CNMD: variants seen among roughly 807,000 people sequenced by gnomAD.
The protein encoded by CNMD is chondromodulin.
A neutral mutation model predicts 37.5 loss-of-function variants in CNMD; 30 were observed. The ratio of observed to expected loss-of-function variants is 0.80; its 90% CI spans 0.60 to 1.09. The LOEUF is 1.09. CNMD is among the 50% of genes least tolerant of loss of function. The probability of loss-of-function intolerance (pLI) is 0.00; values close to 1 mark genes in which losing one functional copy is unlikely to be tolerated. For synonymous variants in CNMD, 167 were observed against 148.2 expected, an observed-to-expected ratio of 1.13 and a Z score of -0.92; for missense variants, 398 against 423.9, an observed-to-expected ratio of 0.94 and a Z score of 0.54.
At chr13:52,730,005 A>T (rs1323272896) in intron 3 of CNMD, among the ~76,000 whole-genome samples, 1 of 131,420 alleles carries the variant, frequency 7.6e-6, no homozygotes, top group Non-Finnish European at 1.6e-5. Context: ...CTGGTGTGTG[A>T]CGTTCCCCTT....
At chr13:52,723,283 G>A (rs1434125105) in intron 4 of CNMD, among the ~76,000 whole-genome samples, 1 of 152,100 alleles carries the variant, frequency 6.6e-6, no homozygotes, top group African/African-American at 2.4e-5. Context: ...AGTAGAGACA[G>A]GGTTTTGCCG....
At chr13:52,731,161 G>A (rs535041098) in intron 3 of CNMD, among the ~76,000 whole-genome samples, 3 of 152,254 alleles carry the variant, frequency 2.0e-5, no homozygotes, top group African/African-American at 7.2e-5. Flanking sequence ...TGCAAGACCT[G>A]CCCCAGTCCC....
chr13:52,712,932 A>T, intron 4 of CNMD, 63 bp from the exon 5 acceptor site: 2 of 1,292,958 alleles, frequency 1.5e-6, no homozygotes, highest in Non-Finnish European at 2.1e-6. Flanking sequence ...ATTAAGAGTC[A>T]TGTGTTGCTA....
intron 2 of CNMD, among the ~76,000 whole-genome samples, chr13:52,735,525 T>C (rs1163623063): frequency 6.6e-6 from 1 of 152,164 alleles, no homozygotes; most frequent in Non-Finnish European, 1.5e-5. Flanking sequence ...CCTCCACCAC[T>C]ACCCCTGGCT....
intron 4 of CNMD, among the ~76,000 whole-genome samples, chr13:52,722,458 A>G (rs1964500256): frequency 6.6e-6 from 1 of 152,180 alleles, no homozygotes; most frequent in Non-Finnish European, 1.5e-5. Context: ...AATAAAATTA[A>G]CAACAATGAG....
chr13:52,735,262 G>A (rs1964737303), intron 2 of CNMD, among the ~76,000 whole-genome samples: 1 of 152,282 alleles, frequency 6.6e-6, no homozygotes, highest in South Asian at 2.1e-4. Flanking sequence ...TCTGTCCGGT[G>A]CTCTCTGAGC....
intron 4 of CNMD, among the ~76,000 whole-genome samples, chr13:52,714,350 G>GTAGT (rs1385997585): frequency 6.6e-6 from 1 of 152,022 alleles, no homozygotes; most frequent in Non-Finnish European, 1.5e-5. Flanking sequence ...TACTCTAAGG[G>GTAGT]TAGTTTTCTG....
chr13:52,716,413 A>T (rs1357120437), intron 4 of CNMD, among the ~76,000 whole-genome samples: 1 of 152,126 alleles, frequency 6.6e-6, no homozygotes, highest in Non-Finnish European at 1.5e-5. Flanking sequence ...TTAGTCATGA[A>T]GTCTTTGCCC....
rs1414621467 is a variant in CNMD, at chr13:52,703,861, T to C, written c.790-51A>G. 3.4e-6 allele frequency: 5 copies of C among 1,462,258 alleles called. No homozygotes were observed. In the South Asian group the frequency reaches 4.6e-5, roughly 14 times the overall value. The allele number at this position is 1,462,258 out of a possible 1,614,324, so 90.6% of individuals were successfully genotyped here. On this transcript the variant is annotated intron_variant, in intron 6 of 6. Transcript: ENST00000377962. ...TGATAACTGCATAGTGGGAAGGTCATAGCATGCATGTTATTTTTAAATAAG... is the reference window on the plus strand; with the variant it reads ...TGATAACTGCATAGTGGGAAGGTCACAGCATGCATGTTATTTTTAAATAAG...
intron 3 of CNMD, among the ~76,000 whole-genome samples, chr13:52,731,377 C>T (rs571004291): frequency 1.1e-4 from 17 of 152,180 alleles, no homozygotes; most frequent in African/African-American, 4.1e-4. Flanking sequence ...TGAATTTGAC[C>T]GTTGATTCAA....
chr13:52,730,544 G>T (rs1277117470), intron 3 of CNMD, among the ~76,000 whole-genome samples: 1 of 151,894 alleles, frequency 6.6e-6, no homozygotes, highest in Non-Finnish European at 1.5e-5. Flanking sequence ...ATCTCATTGT[G>T]GTTTTGATTT....
At chr13:52,731,649 G>C (rs546362981) in intron 3 of CNMD, among the ~76,000 whole-genome samples, 4 of 152,308 alleles carry the variant, frequency 2.6e-5, no homozygotes, top group Admixed American at 2.6e-4. Flanking sequence ...CAGAAATATA[G>C]GTTTGGGATT....
chr13:52,730,619 T>G (rs987510610), intron 3 of CNMD, among the ~76,000 whole-genome samples: 2 of 152,204 alleles, frequency 1.3e-5, no homozygotes, highest in African/African-American at 4.8e-5. Flanking sequence ...CATAAATGTC[T>G]TCTTTTGGGA....
At chr13:52,713,034 T>C (rs1443128469) in intron 4 of CNMD, among the ~76,000 whole-genome samples, 165 bp from the exon 5 acceptor site, 1 of 152,216 alleles carries the variant, frequency 6.6e-6, no homozygotes, top group Non-Finnish European at 1.5e-5. Context: ...CTTCTCTTTG[T>C]AGCTCTTTTC....
intron 2 of CNMD, among the ~76,000 whole-genome samples, chr13:52,736,139 G>T (rs527422690): frequency 6.6e-6 from 1 of 152,030 alleles, no homozygotes; most frequent in Non-Finnish European, 1.5e-5. Flanking sequence ...GACTGCAGGT[G>T]CCCGCCACCA....
rs1303098974 is a variant in CNMD at position 52,739,537 on chromosome 13, C to T, written c.72+93G>A. The stretch of plus-strand genomic sequence containing the variant: ...CCAAATTTATCCCCCCGCCAACACA[C>T]CCATTCGGTGGCACGCACCCCTGAG... On this transcript the variant is annotated intron_variant, in intron 1 of 6. Transcript: ENST00000377962. This position sits in a 1 kb window ranked among gnomAD's most constrained non-coding sequence, Gnocchi z 5.4. 8.7e-7 allele frequency: 1 copy of T among 1,146,986 alleles called. No homozygotes were observed. Among genetic ancestry groups the T allele is most frequent in the East Asian group, 2.4e-5 (1 of 42,346 alleles). 71.1% of individuals were successfully genotyped at this position (1,146,986 alleles called of 1,614,324 possible).
intron 6 of CNMD, 41 bp downstream of exon 6, chr13:52,708,495 A>G: frequency 1.3e-6 from 2 of 1,576,354 alleles, no homozygotes; most frequent in Non-Finnish European, 1.7e-6. Context: ...CACTATGTTT[A>G]ATGCATTTGT....
intron 5 of CNMD, 47 bp downstream of exon 5, chr13:52,712,669 A>C (rs1264924147): frequency 1.5e-6 from 2 of 1,342,284 alleles, no homozygotes; most frequent in African/African-American, 1.5e-5. Flanking sequence ...CCTCACATGC[A>C]TGAACAGGGA....
chr13:52,720,256 C>A (rs1454086609), intron 4 of CNMD, among the ~76,000 whole-genome samples: 3 of 152,098 alleles, frequency 2.0e-5, no homozygotes, highest in African/African-American at 7.2e-5. Context: ...AGGTTCTTGG[C>A]TTCCTTGCAT....
Sources: gnomAD v4.1 joint callset for allele counts (sites outside exome capture counted in the v4.1 genomes callset) on GRCh38, gnomAD v4.1.1 for gene constraint, Gnocchi (gnomAD v3.1) non-coding constraint, MANE v1.5 for transcripts, NCBI Gene and HGNC (gene_info 2026-07-23, HGNC 2026-07-21) for gene names.